DHRSX: variants seen among roughly 807,000 people sequenced by gnomAD.
DHRSX encodes the protein dehydrogenase/reductase X-linked.
DHRSX carries 31 observed loss-of-function variants against 34.0 expected under a neutral mutation model. That is an observed-to-expected ratio of 0.91 (90% confidence interval 0.69 to 1.23). DHRSX has a LOEUF of 1.23. Among genes scored for constraint, DHRSX ranks in the 50% most tolerant of loss-of-function variants. DHRSX has a pLI of 0.00. For synonymous variants in DHRSX, 201 were observed against 183.8 expected (o/e 1.09, Z -0.76); for missense variants, 414 against 428.1 (o/e 0.97, Z 0.29).
chrX:2,328,438 T>C (rs754989506), intron 3 of DHRSX, among the ~76,000 whole-genome samples: 162 of 123,700 alleles, frequency 1.3e-3, no homozygotes, highest in African/African-American at 4.1e-3. Flanking sequence ...GCCCTGCCCA[T>C]ACCTGGATCT....
chrX:2,405,687 C>T (rs1284847690), intron 3 of DHRSX, among the ~76,000 whole-genome samples: 2 of 151,772 alleles, frequency 1.3e-5, no homozygotes, highest in Non-Finnish European at 2.9e-5. Flanking sequence ...TTCCCAGCTA[C>T]TGGGGAGGCT....
intron 1 of DHRSX, among the ~76,000 whole-genome samples, chrX:2,492,454 G>A (rs756404157): frequency 3.3e-5 from 5 of 150,650 alleles, no homozygotes; most frequent in Non-Finnish European, 7.4e-5. Context: ...TAAAATCATG[G>A]TGGATTGAAC....
intron 5 of DHRSX, among the ~76,000 whole-genome samples, chrX:2,246,748 G>GAAAGAAAGAAAGAAAGAAAGAA (rs776138629): frequency 1.4e-3 from 144 of 103,828 alleles, no homozygotes; most frequent in Middle Eastern, 5.0e-3. Flanking sequence ...AAGAAAGAAA[G>GAAAGAAAGAAAGAAAGAAAGAA]AAAAAGAAAG....
rs1276594831 is a variant in DHRSX at position 2,291,491 on chromosome X, C to G, written c.388+11G>C. The G allele has an allele frequency of 4.4e-6, 7 of 1,608,544 alleles. No homozygotes were observed. Among genetic ancestry groups the G allele is most frequent in the Non-Finnish European group, 6.0e-6 (7 of 1,175,428 alleles). Reference sequence around the variant, plus strand: ...TAACCCCTGGCTTGCTGCAATTTCACCAGGACTCACCATTGTTGATCAGGA... The same window carrying G: ...TAACCCCTGGCTTGCTGCAATTTCAGCAGGACTCACCATTGTTGATCAGGA... On this transcript the variant is annotated intron_variant, in intron 4 of 6. Transcript: ENST00000334651.
At chrX:2,465,659 A>C (rs1014984257) in intron 1 of DHRSX, among the ~76,000 whole-genome samples, 7 of 151,768 alleles carry the variant, frequency 4.6e-5, no homozygotes, top group Admixed American at 2.0e-4. Context: ...AAAAAAAAGA[A>C]AAATCAGGGT....
intron 2 of DHRSX, 74 bp from the exon 3 acceptor site, chrX:2,408,887 AGAGGTTTT>A: frequency 8.1e-7 from 1 of 1,240,706 alleles, no homozygotes; most frequent in Non-Finnish European, 1.1e-6. Context: ...AAAAAAAAAA[AGAGGTTTT>A]AAGAGAAGTA....
At chrX:2,257,234 G>A (rs182154030) in intron 5 of DHRSX, among the ~76,000 whole-genome samples, 1,567 of 152,252 alleles carry the variant, frequency 0.01, 30 homozygotes, top group African/African-American at 0.034. Context: ...GATGACAGGC[G>A]TGAGCCACCA....
At chrX:2,479,427 A>G (rs906151802) in intron 1 of DHRSX, among the ~76,000 whole-genome samples, 6 of 146,410 alleles carry the variant, frequency 4.1e-5, no homozygotes, top group African/African-American at 1.5e-4. Context: ...CACTGACGAC[A>G]TTCCGTAAGA....
chrX:2,396,212 TC>T (rs1359796055), intron 3 of DHRSX, among the ~76,000 whole-genome samples: 1 of 151,962 alleles, frequency 6.6e-6, no homozygotes, highest in Non-Finnish European at 1.5e-5. Flanking sequence ...CTCACCCTAA[TC>T]CAGAATGATC....
intron 3 of DHRSX, among the ~76,000 whole-genome samples, chrX:2,403,691 C>T (rs149074787): frequency 0.017 from 2,541 of 152,020 alleles, 75 homozygotes; most frequent in African/African-American, 0.058. Context: ...CCCATCTCTA[C>T]TAAAAATACA....
At chrX:2,354,538 T>A (rs2042825681) in intron 3 of DHRSX, among the ~76,000 whole-genome samples, 1 of 152,208 alleles carries the variant, frequency 6.6e-6, no homozygotes, top group Non-Finnish European at 1.5e-5. Context: ...CTCGGCTCAC[T>A]GGAACCTCTG....
chrX:2,454,992 A>T (rs1271686061), intron 1 of DHRSX, among the ~76,000 whole-genome samples: 1 of 151,776 alleles, frequency 6.6e-6, no homozygotes, highest in African/African-American at 2.4e-5. Flanking sequence ...TGCACCTGTA[A>T]TCTCAGCTAC....
At chrX:2,250,534 C>T (rs1185046829) in intron 5 of DHRSX, among the ~76,000 whole-genome samples, 1 of 152,028 alleles carries the variant, frequency 6.6e-6, no homozygotes, top group Non-Finnish European at 1.5e-5. Flanking sequence ...AGGTTCATCC[C>T]CCTTTTAGAC....
intron 5 of DHRSX, among the ~76,000 whole-genome samples, chrX:2,257,093 T>G (rs1173574320): frequency 6.6e-6 from 1 of 152,150 alleles, no homozygotes; most frequent in East Asian, 1.9e-4. Context: ...GTAGCAGGGA[T>G]TACAGGTGTG....
At chrX:2,245,648 CT>C (rs1301146443) in intron 5 of DHRSX, among the ~76,000 whole-genome samples, 1 of 150,050 alleles carries the variant, frequency 6.7e-6, no homozygotes. Context: ...TGTCTCCTGT[CT>C]CCCTAAAATG....
At chrX:2,361,075 G>T (rs144429838) in intron 3 of DHRSX, among the ~76,000 whole-genome samples, 1 of 152,042 alleles carries the variant, frequency 6.6e-6, no homozygotes, top group Non-Finnish European at 1.5e-5. Context: ...AGAGAAAATG[G>T]AACATTTCAA....
At chrX:2,238,540 T>G (rs1044719592) in intron 6 of DHRSX, among the ~76,000 whole-genome samples, 5 of 151,818 alleles carry the variant, frequency 3.3e-5, no homozygotes, top group Non-Finnish European at 7.4e-5. Context: ...GTCACACAGA[T>G]TCTCCCCAGG....
chrX:2,376,160 C>T (rs1569495181), intron 3 of DHRSX, among the ~76,000 whole-genome samples: 1 of 137,504 alleles, frequency 7.3e-6, no homozygotes, highest in Admixed American at 7.3e-5. Flanking sequence ...TTGGCGAACA[C>T]GTGAAGTCTT....
At chrX:2,290,642 C>T (rs942717083) in intron 4 of DHRSX, among the ~76,000 whole-genome samples, 19 of 152,136 alleles carry the variant, frequency 1.2e-4, no homozygotes, top group African/African-American at 4.3e-4. Flanking sequence ...CTGTTCTATC[C>T]ACTGTATTAA....
Sources: allele counts gnomAD v4.1 joint callset (sites outside exome capture counted in the v4.1 genomes callset), GRCh38; gene constraint gnomAD v4.1.1; transcripts MANE v1.5; gene names NCBI Gene and HGNC (gene_info 2026-07-23, HGNC 2026-07-21).